Variants in KIRREL3 observed in about 807,000 individuals in gnomAD.
The protein encoded by KIRREL3 is kin of IRRE-like protein 3.
In KIRREL3, 36 loss-of-function variants were observed where a neutral mutation model predicts 89.7. The observed-to-expected ratio is 0.40, with a 90% confidence interval of 0.31 to 0.53. The LOEUF is 0.53. KIRREL3 is among the 20% of genes least tolerant of loss of function. The probability of loss-of-function intolerance (pLI) is 0.49; values close to 1 mark genes in which losing one functional copy is unlikely to be tolerated. For synonymous variants in KIRREL3, 445 were observed against 441.4 expected (o/e 1.01, Z -0.10); for missense variants, 864 against 1,056.6 (o/e 0.82, Z 2.53).
At position 126,696,454 on chromosome 11, in the gene KIRREL3, A is replaced by C. The variant is rs959469380; in HGVS notation, c.56-133542T>G. Among the ~76,000 whole-genome samples the C allele has an allele frequency of 1.2e-4, 18 of 152,056 alleles. No individual in the cohort carries two copies. Among genetic ancestry groups the C allele is most frequent in the African/African-American group, 3.9e-4 (16 of 41,400 alleles). On this transcript the variant is annotated intron_variant, in intron 1 of 16. Transcript: ENST00000525144. The surrounding 1 kb of genome is among the most constrained non-coding windows in gnomAD (Gnocchi z 4.4). Reference sequence around the variant, plus strand: ...TGCCCAATCCCCAGCCTTCTATGAGATACCACATGCAGCCTGCAAACTCCC... The same window carrying C: ...TGCCCAATCCCCAGCCTTCTATGAGCTACCACATGCAGCCTGCAAACTCCC...
Position 126,693,377 on chromosome 11 carries a change from C to T in KIRREL3, c.56-130465G>A, listed in dbSNP as rs561986185. Among the ~76,000 whole-genome samples, 13 of 152,174 alleles carry T rather than the reference C, an allele frequency of 8.5e-5. No individual in the cohort carries two copies. The East Asian group carries it at 2.3e-3, about 27-fold the overall frequency. ...TAGATGTTGCAGTGAGCTGAGATTGCGCCATTGTACTCCAGCCTGGGTGAC... is the reference window on the plus strand; with the variant it reads ...TAGATGTTGCAGTGAGCTGAGATTGTGCCATTGTACTCCAGCCTGGGTGAC... On this transcript the variant is annotated intron_variant, in intron 1 of 16. Coordinates refer to ENST00000525144, the MANE Select transcript of KIRREL3 (RefSeq NM_032531.4).
chr11:126,810,947 G>A (rs1342314920), intron 1 of KIRREL3, among the ~76,000 whole-genome samples: 1 of 152,170 alleles, frequency 6.6e-6, no homozygotes, highest in Non-Finnish European at 1.5e-5. Context: ...GTGTGTGTGT[G>A]CACACTGGAG....
At chr11:126,732,131 T>C (rs1349046968) in intron 1 of KIRREL3, among the ~76,000 whole-genome samples, 2 of 152,162 alleles carry the variant, frequency 1.3e-5, no homozygotes, top group Non-Finnish European at 2.9e-5. Flanking sequence ...TACAATCTGC[T>C]CCATTTGGAG....
intron 2 of KIRREL3, among the ~76,000 whole-genome samples, chr11:126,534,516 AG>A (rs770421227): frequency 7.2e-5 from 11 of 152,118 alleles, no homozygotes; most frequent in African/African-American, 1.2e-4. Flanking sequence ...TCTGCGGGGC[AG>A]GGTCCCAGGG....
intron 1 of KIRREL3, among the ~76,000 whole-genome samples, chr11:126,863,396 T>C (rs1944772687): frequency 8.5e-6 from 1 of 116,968 alleles, no homozygotes; most frequent in Admixed American, 8.3e-5. Context: ...AGTGCGTGTG[T>C]GAGTGCGTGA....
intron 1 of KIRREL3, among the ~76,000 whole-genome samples, chr11:126,885,473 A>T: frequency 6.6e-6 from 1 of 152,212 alleles, no homozygotes; most frequent in East Asian, 1.9e-4. Context: ...AGTACAGATA[A>T]TCCTGGAATC....
chr11:126,635,759 T>G lies in KIRREL3; in HGVS notation c.56-72847A>C, dbSNP rs180678801. 3.3e-3 allele frequency among the ~76,000 whole-genome samples: 500 copies of G among 152,316 alleles called. 1 individual carries two copies. Among genetic ancestry groups the G allele is most frequent in the African/African-American group, 0.011 (442 of 41,572 alleles). On this transcript the variant is annotated intron_variant, in intron 1 of 16. Transcript: ENST00000525144. This position sits in a 1 kb window ranked among gnomAD's most constrained non-coding sequence, Gnocchi z 4.0. The stretch of plus-strand genomic sequence containing the variant: ...GCTGGGAATACCTGTTCTACTGATC[T>G]GAAGAATTGTTGTGGTAATCTGAAG...
chr11:126,743,941 A>G (rs966462009), intron 1 of KIRREL3, among the ~76,000 whole-genome samples: 1 of 152,214 alleles, frequency 6.6e-6, no homozygotes, highest in African/African-American at 2.4e-5. Flanking sequence ...CTCAGAAGAA[A>G]TTTAGTGATG....
chr11:126,425,985 T>C (rs1158426798), intron 15 of KIRREL3, among the ~76,000 whole-genome samples: 1 of 152,226 alleles, frequency 6.6e-6, no homozygotes, highest in Admixed American at 6.5e-5. Flanking sequence ...GGCCATACTT[T>C]CCTCGCTTGG....
intron 1 of KIRREL3, chr11:126,681,971 AAG>A (rs1251854028): frequency 1.6e-5 from 7 of 442,094 alleles, no homozygotes; most frequent in Non-Finnish European, 2.7e-5. Context: ...AGAAGGAAGA[AAG>A]AACAGATGAG....
intron 1 of KIRREL3, among the ~76,000 whole-genome samples, chr11:126,952,442 G>T: frequency 6.6e-6 from 1 of 150,538 alleles, no homozygotes; most frequent in African/African-American, 2.4e-5. Context: ...GTTTTTTTCT[G>T]GTAAATTTGT....
chr11:126,979,370 G>A (rs764319034), intron 1 of KIRREL3, among the ~76,000 whole-genome samples: 1 of 152,156 alleles, frequency 6.6e-6, no homozygotes, highest in African/African-American at 2.4e-5. Context: ...TAGGCCTTAA[G>A]AACAACATTA....
At position 126,755,856 on chromosome 11, in the gene KIRREL3, G is replaced by A. The variant is rs76696722; in HGVS notation, c.56-192944C>T. On this transcript the variant is annotated intron_variant, in intron 1 of 16. Coordinates refer to ENST00000525144, the MANE Select transcript of KIRREL3 (RefSeq NM_032531.4). The surrounding 1 kb of genome is among the most constrained non-coding windows in gnomAD (Gnocchi z 4.3). ...GAGAGAGAGAGAGAGAGAGAGAGAG[G>A]GAGAGAGGGAGAGAGAAAAAACAGA... is the stretch of plus-strand genomic sequence containing the variant. 7.7e-6 allele frequency among the ~76,000 whole-genome samples: 1 copy of A among 129,766 alleles called. No individual in the cohort carries two copies. The highest frequency in any genetic ancestry group is 1.6e-5 in the Non-Finnish European group (1 of 61,462). 85.1% of individuals were successfully genotyped at this position (129,766 alleles called of 152,430 possible).
intron 1 of KIRREL3, among the ~76,000 whole-genome samples, chr11:126,928,269 T>C (rs910425034): frequency 2.0e-5 from 3 of 152,174 alleles, no homozygotes; most frequent in Non-Finnish European, 4.4e-5. Context: ...AGCTCAGATA[T>C]CTGGATGTGC....
rs1449934177 is a variant in KIRREL3 at position 126,676,757 on chromosome 11, G to A, written c.56-113845C>T. Among the ~76,000 whole-genome samples the A allele has an allele frequency of 6.6e-6, 1 of 151,670 alleles. No homozygotes were observed. The highest frequency in any genetic ancestry group is 1.5e-5 in the Non-Finnish European group (1 of 67,934). On this transcript the variant is annotated intron_variant, in intron 1 of 16. Coordinates refer to ENST00000525144, the MANE Select transcript of KIRREL3 (RefSeq NM_032531.4). This position sits in a 1 kb window ranked among gnomAD's most constrained non-coding sequence, Gnocchi z 4.5. ...AACATGTGGTGTTGTTTTTACTACT[G>A]CAACTTTTTATTTTTCTTTAGAGCT...
chr11:126,617,030 T>A (rs1028181283), intron 1 of KIRREL3, among the ~76,000 whole-genome samples: 1 of 152,266 alleles, frequency 6.6e-6, no homozygotes, highest in African/African-American at 2.4e-5. Flanking sequence ...TACCACATCA[T>A]GTGATCTTCC....
rs1941164972 is a variant in KIRREL3 at position 126,574,764 on chromosome 11, G to A, written c.56-11852C>T. On this transcript the variant is annotated intron_variant, in intron 1 of 16. Coordinates refer to ENST00000525144, the MANE Select transcript of KIRREL3 (RefSeq NM_032531.4). This position sits in a 1 kb window ranked among gnomAD's most constrained non-coding sequence, Gnocchi z 5.3. ...CTTAAATCTCCCTTGAAAAGAAAATGCTGCTTATGAACCACTTCCACCCTT... is the reference window on the plus strand; with the variant it reads ...CTTAAATCTCCCTTGAAAAGAAAATACTGCTTATGAACCACTTCCACCCTT... 6.6e-6 allele frequency among the ~76,000 whole-genome samples: 1 copy of A among 152,174 alleles called. No individual in the cohort carries two copies. The highest frequency in any genetic ancestry group is 2.4e-5 in the African/African-American group (1 of 41,422).
chr11:126,540,719 G>T (rs1218828574), intron 2 of KIRREL3, among the ~76,000 whole-genome samples: 4 of 152,178 alleles, frequency 2.6e-5, no homozygotes, highest in Non-Finnish European at 5.9e-5. Context: ...ATCCATCCCT[G>T]CCCGAGGTCA....
chr11:126,730,442 A>G (rs887128401), intron 1 of KIRREL3, among the ~76,000 whole-genome samples: 1 of 152,194 alleles, frequency 6.6e-6, no homozygotes, highest in African/African-American at 2.4e-5. Context: ...AGGTATCTTC[A>G]ACCTGTGCCC....
Sources: gnomAD v4.1 joint callset for allele counts (sites outside exome capture counted in the v4.1 genomes callset) on GRCh38, gnomAD v4.1.1 for gene constraint, Gnocchi (gnomAD v3.1) non-coding constraint, MANE v1.5 for transcripts, NCBI Gene and HGNC (gene_info 2026-07-23, HGNC 2026-07-21) for gene names.